The following UACA variants were observed in gnomAD, a reference collection of about 807,000 sequenced individuals.
UACA encodes the protein uveal autoantigen with coiled-coil domains and ankyrin repeats.
In UACA, 112 loss-of-function variants were observed where a neutral mutation model predicts 160.5. That is an observed-to-expected ratio of 0.70 (90% CI 0.60 to 0.82). The LOEUF (loss-of-function observed/expected upper bound fraction) is 0.82. UACA is among the 40% of genes least tolerant of loss of function. UACA has a pLI of 0.00. For missense variants in UACA, 1,574 were observed against 1,614.6 expected, an observed-to-expected ratio of 0.97 and a Z score of 0.43; for synonymous variants, 557 against 568.4, an observed-to-expected ratio of 0.98 and a Z score of 0.29.
At chr15:70,688,575 T>C (rs1897813596) in intron 5 of UACA, among the ~76,000 whole-genome samples, 1 of 152,166 alleles carries the variant, frequency 6.6e-6, no homozygotes, top group Non-Finnish European at 1.5e-5. Context: ...AAATCTTTTA[T>C]ATAAAATGTA....
chr15:70,681,321 C>T (rs1419669796), intron 9 of UACA, among the ~76,000 whole-genome samples: 2 of 151,738 alleles, frequency 1.3e-5, no homozygotes, highest in Admixed American at 1.3e-4. Context: ...CTTACATTTG[C>T]AACTATACTG....
intron 7 of UACA, among the ~76,000 whole-genome samples, chr15:70,686,385 T>C (rs182598406): frequency 4.0e-4 from 61 of 152,044 alleles, no homozygotes; most frequent in African/African-American, 1.4e-3. Flanking sequence ...GATTTCCTGA[T>C]TGGGAATTGA....
rs1555407981 is a variant in UACA, at chr15:70,664,818, T to A, written c.3961-4A>T. ...CATCATTAAGCAGTTCAGTTATCTT[T>A]AAAAAAATGTTGTAGGAGAAATATA... On this transcript the variant is annotated splice_polypyrimidine_tract_variant and splice_region_variant and intron_variant, in intron 16 of 18. Transcript: ENST00000322954. 8 of 1,606,158 alleles carry A rather than the reference T, an allele frequency of 5.0e-6. No individual in the cohort carries two copies. In the South Asian group the frequency reaches 7.8e-5, roughly 16 times the overall value.
intron 1 of UACA, among the ~76,000 whole-genome samples, chr15:70,721,364 G>A (rs563829270): frequency 7.2e-5 from 11 of 152,272 alleles, no homozygotes; most frequent in East Asian, 1.9e-4. Context: ...GGTGGCTCAC[G>A]CCTGTAATCC....
intron 5 of UACA, 147 bp from the exon 6 acceptor site, chr15:70,687,967 C>A (rs890904314): frequency 4.4e-6 from 3 of 687,380 alleles, no homozygotes; most frequent in African/African-American, 1.8e-5. Flanking sequence ...ATTATAAGCA[C>A]AATTTTTCAT....
chr15:70,687,719 T>C (rs1214046721), intron 6 of UACA, 31 bp downstream of exon 6: 4 of 1,613,314 alleles, frequency 2.5e-6, no homozygotes, highest in African/African-American at 1.3e-5. Context: ...AATGCATGAG[T>C]TGAAATGAGA....
chr15:70,725,907 G>T (rs1899129818), intron 1 of UACA, among the ~76,000 whole-genome samples: 1 of 152,106 alleles, frequency 6.6e-6, no homozygotes, highest in African/African-American at 2.4e-5. Flanking sequence ...TGAGGTGATG[G>T]ATGCCCTAAA....
At chr15:70,678,348 G>A (rs531344689) in intron 10 of UACA, 142 bp from the exon 11 acceptor site, 7 of 512,924 alleles carry the variant, frequency 1.4e-5, no homozygotes, top group Non-Finnish European at 2.4e-5. Context: ...TAATTTCAAT[G>A]ATATGCCAAT....
the UACA span, among the ~76,000 whole-genome samples, chr15:70,769,466 T>G: frequency 6.6e-6 from 1 of 151,592 alleles, no homozygotes; most frequent in Non-Finnish European, 1.5e-5. Context: ...TTGACTACAT[T>G]GGTTTCAGTT....
At chr15:70,755,768 T>A (rs946218889) in intron 1 of UACA, among the ~76,000 whole-genome samples, 1 of 152,168 alleles carries the variant, frequency 6.6e-6, no homozygotes, top group East Asian at 1.9e-4. Context: ...AATTCTTATT[T>A]GAAGATTTGT....
the UACA span, among the ~76,000 whole-genome samples, chr15:70,770,508 T>C: frequency 6.6e-6 from 1 of 152,252 alleles, no homozygotes; most frequent in African/African-American, 2.4e-5. Context: ...TCCCTCTTGC[T>C]GTTTTAAGAA....
At chr15:70,678,277 A>C in intron 10 of UACA, 71 bp from the exon 11 acceptor site, 1 of 1,065,968 alleles carries the variant, frequency 9.4e-7, no homozygotes, top group Middle Eastern at 2.1e-4. Context: ...GAAATTTTTA[A>C]AAGCAGTTCA....
At chr15:70,740,334 C>G (rs1401570969) in intron 1 of UACA, among the ~76,000 whole-genome samples, 1 of 151,996 alleles carries the variant, frequency 6.6e-6, no homozygotes, top group African/African-American at 2.4e-5. Context: ...TTCTTTTGGG[C>G]CAGGCACAGT....
chr15:70,745,212 A>G (rs927537146), intron 1 of UACA, among the ~76,000 whole-genome samples: 4 of 152,074 alleles, frequency 2.6e-5, no homozygotes, highest in Non-Finnish European at 4.4e-5. Context: ...CAGGCGGACC[A>G]TGAGGTCAGG....
intron 7 of UACA, among the ~76,000 whole-genome samples, chr15:70,685,839 A>C (rs1449045051): frequency 3.3e-5 from 5 of 151,754 alleles, no homozygotes; most frequent in African/African-American, 1.2e-4. Flanking sequence ...CAGTGGCATG[A>C]TCTCAGCTCA....
chr15:70,735,419 G>A (rs564851459), intron 1 of UACA, among the ~76,000 whole-genome samples: 1 of 151,590 alleles, frequency 6.6e-6, no homozygotes, highest in Admixed American at 6.6e-5. Context: ...GTGTTGTCTA[G>A]GAATATATCT....
rs2030892605 is a variant in UACA at position 70,763,331 on chromosome 15, G to C, written c.77C>G (p.Ala26Gly). ...PASSGAAAAS[A>G]HAADWNKYDD... ...CGCAGCCCGGACCGCGGGACTCACCGCGCTGGCGGCGGCGGCGCCAGACGA... is the reference window on the plus strand; with the variant it reads ...CGCAGCCCGGACCGCGGGACTCACCCCGCTGGCGGCGGCGGCGCCAGACGA... Residue 26 changes from alanine (A) to glycine (G), a missense_variant and splice_region_variant, in exon 1 of 19, where the codon GCG becomes GGG. Transcript: ENST00000322954. 1.5e-6 allele frequency: 2 copies of C among 1,333,930 alleles called. No homozygotes were observed. Among genetic ancestry groups the C allele is most frequent in the South Asian group, 2.0e-5 (1 of 50,532 alleles). 82.6% of individuals were successfully genotyped at this position (1,333,930 alleles called of 1,614,324 possible). A position where few individuals can be genotyped will look rare whatever the true frequency, so the allele number is the denominator to read the frequency against.
At chr15:70,776,516 C>T in the UACA span, among the ~76,000 whole-genome samples, 2 of 151,630 alleles carry the variant, frequency 1.3e-5, no homozygotes, top group African/African-American at 2.4e-5. Context: ...CAACCTCCGC[C>T]TCCCAGGTTC....
chr15:70,684,219 CTCTT>C, intron 8 of UACA, 42 bp downstream of exon 8: 2 of 1,518,542 alleles, frequency 1.3e-6, no homozygotes, highest in Non-Finnish European at 1.8e-6. Context: ...TAAAAAGTGG[CTCTT>C]TGTTAATGTG....
Sources: gnomAD v4.1 joint callset for allele counts (sites outside exome capture counted in the v4.1 genomes callset) on GRCh38, gnomAD v4.1.1 for gene constraint, MANE v1.5 for transcripts, NCBI Gene and HGNC (gene_info 2026-07-23, HGNC 2026-07-21) for gene names.